The following MRAS variants were observed in gnomAD, a reference collection of about 807,000 sequenced individuals.
MRAS encodes the protein ras-related protein M-Ras.
A neutral mutation model predicts 20.9 loss-of-function variants in MRAS; 4 were observed. That is an observed-to-expected ratio of 0.19 (90% CI 0.09 to 0.44). The LOEUF (loss-of-function observed/expected upper bound fraction) is 0.44, where lower values mean the gene tolerates loss of function less well. Among genes scored for constraint, MRAS ranks in the 20% least tolerant of loss-of-function variants. MRAS has a pLI of 0.99. For missense variants in MRAS, 154 were observed against 277.5 expected (o/e 0.56, Z 3.16); for synonymous variants, 98 against 102.9 (o/e 0.95, Z 0.29).
At chr3:138,393,339 A>G (rs1348052799) in intron 2 of MRAS, among the ~76,000 whole-genome samples, 1 of 152,216 alleles carries the variant, frequency 6.6e-6, no homozygotes, top group Non-Finnish European at 1.5e-5. Flanking sequence ...TGCTGGGATT[A>G]TAGGCTTGAA....
intron 2 of MRAS, among the ~76,000 whole-genome samples, chr3:138,387,515 A>G (rs1428581628): frequency 6.6e-6 from 1 of 152,208 alleles, no homozygotes; most frequent in Non-Finnish European, 1.5e-5. Flanking sequence ...CTCATTAGCC[A>G]TATGAACCTA....
intron 1 of MRAS, among the ~76,000 whole-genome samples, chr3:138,368,277 T>C (rs1375088801): frequency 1.3e-5 from 2 of 152,210 alleles, no homozygotes; most frequent in African/African-American, 4.8e-5. Flanking sequence ...AGAGTGTGTG[T>C]GTGTGTGAGT....
intron 2 of MRAS, among the ~76,000 whole-genome samples, chr3:138,377,581 T>C (rs1399540917): frequency 5.3e-5 from 8 of 152,290 alleles, no homozygotes; most frequent in Middle Eastern, 3.4e-3. Flanking sequence ...GCTGAACTTT[T>C]CTGGAGTGGT....
intron 1 of MRAS, among the ~76,000 whole-genome samples, chr3:138,363,382 A>G (rs1033248321): frequency 3.9e-5 from 6 of 152,064 alleles, no homozygotes; most frequent in Non-Finnish European, 7.4e-5. Context: ...TTACGTGGCT[A>G]ATATCTACTT....
chr3:138,380,566 C>G (rs952130015), intron 2 of MRAS, among the ~76,000 whole-genome samples: 1 of 152,194 alleles, frequency 6.6e-6, no homozygotes. Context: ...CCACCTCGGC[C>G]TCCTAAAGTG....
At chr3:138,360,755 A>G (rs1184494931) in intron 1 of MRAS, among the ~76,000 whole-genome samples, 1 of 152,260 alleles carries the variant, frequency 6.6e-6, no homozygotes, top group Non-Finnish European at 1.5e-5. Flanking sequence ...GCATTTGGAA[A>G]TGCAGACAGC....
intron 1 of MRAS, among the ~76,000 whole-genome samples, chr3:138,357,750 TATTGCATGTAACAGG>T (rs1284832669): frequency 1.3e-5 from 2 of 152,242 alleles, no homozygotes; most frequent in East Asian, 3.8e-4. Context: ...AAGCCACTAT[TATTGCATGTAACAGG>T]CATCCACCAA....
chr3:138,368,000 T>C (rs932748126), intron 1 of MRAS, among the ~76,000 whole-genome samples: 1 of 152,240 alleles, frequency 6.6e-6, no homozygotes, highest in Admixed American at 6.5e-5. Flanking sequence ...CGGGTTTGGG[T>C]TGCCATGCAG....
At chr3:138,377,547 T>C (rs1331748489) in intron 2 of MRAS, among the ~76,000 whole-genome samples, 1 of 152,216 alleles carries the variant, frequency 6.6e-6, no homozygotes, top group African/African-American at 2.4e-5. Context: ...GAGGTTGCAG[T>C]GAGTAACTCT....
At position 138,363,786 on chromosome 3, in the gene MRAS, C is replaced by T. The variant is rs373749628; in HGVS notation, c.-18-9080C>T. On this transcript the variant is annotated intron_variant, in intron 1 of 5. Transcript: ENST00000423968. The stretch of plus-strand genomic sequence containing the variant: ...CTCTGGGCTCAGGTAAAACAGGGAC[C>T]TTTCTCATGTCATGTGACCTGTTAG... Among the ~76,000 whole-genome samples the T allele has an allele frequency of 3.1e-3, 429 of 140,640 alleles. 4 individuals carry two copies. Among genetic ancestry groups the T allele is most frequent in the Middle Eastern group, 0.011 (3 of 264 alleles). 92.3% of individuals were successfully genotyped at this position (140,640 alleles called of 152,430 possible). A position where few individuals can be genotyped will look rare whatever the true frequency, so the allele number is the denominator to read the frequency against.
intron 1 of MRAS, among the ~76,000 whole-genome samples, chr3:138,364,559 G>A (rs1435051178): frequency 1.3e-5 from 2 of 152,226 alleles, no homozygotes; most frequent in Non-Finnish European, 2.9e-5. Context: ...TCCTGAGCTG[G>A]GCAGGGAACA....
intron 1 of MRAS, among the ~76,000 whole-genome samples, chr3:138,366,724 C>T (rs1434813974): frequency 1.3e-5 from 2 of 152,326 alleles, no homozygotes; most frequent in East Asian, 3.9e-4. Context: ...CTAACATGAC[C>T]CTCGGCATCT....
intron 2 of MRAS, among the ~76,000 whole-genome samples, chr3:138,374,667 GGTAA>G (rs564162150): frequency 1.2e-3 from 182 of 152,244 alleles, no homozygotes; most frequent in African/African-American, 3.6e-3. Context: ...GATCTTAAGG[GGTAA>G]GTGTTTGGTC....
At chr3:138,384,168 A>G (rs1029379691) in intron 2 of MRAS, among the ~76,000 whole-genome samples, 3 of 152,198 alleles carry the variant, frequency 2.0e-5, no homozygotes, top group Non-Finnish European at 4.4e-5. Context: ...TTGTAGGTAA[A>G]TGAGAAGCCA....
rs1162010358 is a variant in MRAS, at chr3:138,402,487, A to G, written c.*218A>G. ...CAAAGAGACAAGGAAGCCACCTGTA[A>G]GCAGAAGCAGCATCCAAGTGCCCCT... On this transcript the variant is annotated 3_prime_UTR_variant, in exon 6 of 6. Coordinates refer to ENST00000423968, the MANE Select transcript of MRAS (RefSeq NM_001085049.3). 2.0e-6 allele frequency: 1 copy of G among 495,046 alleles called. No homozygotes were observed. Among genetic ancestry groups the G allele is most frequent in the African/African-American group, 1.9e-5 (1 of 51,446 alleles). The allele number at this position is 495,046 out of a possible 1,614,324, so 30.7% of individuals were successfully genotyped here. A position where few individuals can be genotyped will look rare whatever the true frequency, so the allele number is the denominator to read the frequency against.
At chr3:138,386,503 G>C (rs1360864521) in intron 2 of MRAS, among the ~76,000 whole-genome samples, 2 of 152,106 alleles carry the variant, frequency 1.3e-5, no homozygotes, top group Middle Eastern at 3.4e-3. Flanking sequence ...TTGTTTTTGA[G>C]ATGGAGTTTC....
chr3:138,389,879 G>C (rs1334739139), intron 2 of MRAS, among the ~76,000 whole-genome samples: 1 of 152,062 alleles, frequency 6.6e-6, no homozygotes. Flanking sequence ...CGTACCCTGG[G>C]CTATGGGCCA....
At chr3:138,377,848 A>G (rs751415984) in intron 2 of MRAS, among the ~76,000 whole-genome samples, 1 of 152,244 alleles carries the variant, frequency 6.6e-6, no homozygotes, top group African/African-American at 2.4e-5. Flanking sequence ...AATGGGCAGA[A>G]ACTGTGTGGA....
At chr3:138,381,068 C>T (rs1026100356) in intron 2 of MRAS, among the ~76,000 whole-genome samples, 5 of 152,218 alleles carry the variant, frequency 3.3e-5, no homozygotes, top group East Asian at 3.9e-4. Context: ...CCGCCACGCC[C>T]GGCCTTCTCT....
Sources: gnomAD v4.1 joint callset for allele counts (sites outside exome capture counted in the v4.1 genomes callset) on GRCh38, gnomAD v4.1.1 for gene constraint, MANE v1.5 for transcripts, NCBI Gene and HGNC (gene_info 2026-07-23, HGNC 2026-07-21) for gene names.